Variants in RALGAPB observed in about 807,000 individuals in gnomAD.
RALGAPB encodes ral GTPase-activating protein subunit beta.
RALGAPB carries 25 observed loss-of-function variants against 161.1 expected under a neutral mutation model. The ratio of observed to expected loss-of-function variants is 0.16; its 90% confidence interval spans 0.11 to 0.22. The LOEUF is 0.22. Ranked by LOEUF, RALGAPB falls within the 10% of genes least tolerant of loss-of-function variation. RALGAPB has a pLI of 1.00. For missense variants in RALGAPB, 1,391 were observed against 1,815.2 expected, an observed-to-expected ratio of 0.77 and a Z score of 4.25; for synonymous variants, 629 against 626.1, an observed-to-expected ratio of 1.00 and a Z score of -0.07.
chr20:38,547,478 G>T (rs2087207476), intron 19 of RALGAPB: 1 of 152,138 alleles, frequency 6.6e-6, no homozygotes, highest in African/African-American at 2.4e-5. Flanking sequence ...ACCCTGTATT[G>T]TCCCTTTCTA....
At chr20:38,487,555 A>G (rs769522459) in intron 1 of RALGAPB, among the ~76,000 whole-genome samples, 3 of 152,192 alleles carry the variant, frequency 2.0e-5, no homozygotes, top group Non-Finnish European at 4.4e-5. Context: ...GTTTAGTGCG[A>G]AAAGGATGTA....
chr20:38,525,383 T>C, intron 11 of RALGAPB, 21 bp from the exon 12 acceptor site: 1 of 1,521,140 alleles, frequency 6.6e-7, no homozygotes. Context: ...AAAATACTAA[T>C]AGCTTTTTAT....
intron 7 of RALGAPB, among the ~76,000 whole-genome samples, 180 bp from the exon 8 acceptor site, chr20:38,517,326 C>T (rs2086156772): frequency 6.6e-6 from 1 of 152,108 alleles, no homozygotes; most frequent in African/African-American, 2.4e-5. Flanking sequence ...TAGCCATGTC[C>T]ATCTAAAGTT....
rs965610021 is a variant in RALGAPB at position 38,574,173 on chromosome 20, T to C, written c.4166T>C (p.Val1389Ala). 3.7e-6 allele frequency: 6 copies of C among 1,607,318 alleles called. No individual in the cohort carries two copies. Among genetic ancestry groups the C allele is most frequent in the Non-Finnish European group, 5.1e-6 (6 of 1,178,240 alleles). Residue 1389 changes from valine to alanine, a missense_variant, in exon 29 of 30, where the codon GTT becomes GCT. By Grantham distance (64) the Val-to-Ala change is moderately conservative. Coordinates refer to ENST00000262879, the MANE Select transcript of RALGAPB (RefSeq NM_020336.4). ...SLRSTTLEKE[V>A]PVIFIHPLNT... is the part of the protein sequence containing the mutation. ...AGATCTACAACTCTTGAAAAAGAAG[T>C]TCCTGTCATCTTCATCCACCCTTTA... is the stretch of plus-strand genomic sequence containing the variant.
At chr20:38,571,676 G>A (rs1335137036) in intron 28 of RALGAPB, among the ~76,000 whole-genome samples, 2 of 152,132 alleles carry the variant, frequency 1.3e-5, no homozygotes, top group East Asian at 3.9e-4. Context: ...TGGGAGTGCT[G>A]CTATCTCTTT....
At chr20:38,516,596 A>G (rs1171232148) in intron 7 of RALGAPB, 1 of 459,420 alleles carries the variant, frequency 2.2e-6, no homozygotes, top group South Asian at 4.7e-5. Context: ...TTGCCATTAA[A>G]AGTAATGCGG....
intron 18 of RALGAPB, among the ~76,000 whole-genome samples, chr20:38,546,007 T>C (rs576211004): frequency 6.6e-6 from 1 of 152,292 alleles, no homozygotes; most frequent in East Asian, 1.9e-4. Flanking sequence ...GCAGATTAAA[T>C]GTCTCTGAAA....
rs201071715 is a variant in RALGAPB at position 38,574,894 on chromosome 20, G to A, written c.4412G>A (p.Arg1471Gln). 9.0e-5 allele frequency: 146 copies of A among 1,614,012 alleles called. No individual in the cohort carries two copies. The East Asian group carries it at 9.4e-4, about 10-fold the overall frequency. ...QKITDIVNKY[R>Q]NKQLEPEFYT... ...ATCACCGACATTGTCAACAAGTACC[G>A]GAACAAGCAGCTGGAGCCAGAGTTT... The change falls in exon 30 of 30, where the codon CGG becomes CAG. Residue 1471 changes from arginine to glutamine, a missense_variant. Around this residue, in one of 3 missense-constraint regions of RALGAPB, gnomAD observed 436 missense variants for 527.0 expected, o/e 0.83. Transcript: ENST00000262879.
At chr20:38,549,165 C>T (rs950571863) in intron 20 of RALGAPB, among the ~76,000 whole-genome samples, 2 of 152,012 alleles carry the variant, frequency 1.3e-5, no homozygotes, top group African/African-American at 4.8e-5. Context: ...CGCAACAGGA[C>T]TTAGTTTGAA....
chr20:38,570,962 A>G (rs191449780), intron 28 of RALGAPB, 115 bp downstream of exon 28: 1 of 672,678 alleles, frequency 1.5e-6, no homozygotes, highest in Non-Finnish European at 2.4e-6. Context: ...AAATAAAAAC[A>G]AAAAAGATCA....
intron 10 of RALGAPB, among the ~76,000 whole-genome samples, chr20:38,524,160 T>A (rs1301300505): frequency 1.3e-5 from 2 of 151,820 alleles, no homozygotes; most frequent in African/African-American, 4.8e-5. Flanking sequence ...GGGGGTGGAG[T>A]TAAAAACTAA....
At chr20:38,531,062 A>G in intron 13 of RALGAPB, 105 bp from the exon 14 acceptor site, 1 of 1,026,704 alleles carries the variant, frequency 9.7e-7, no homozygotes, top group Non-Finnish European at 1.5e-6. Context: ...AGGAATGCTC[A>G]ACCAAAATTA....
At chr20:38,552,293 A>G (rs2087404441) in intron 21 of RALGAPB, among the ~76,000 whole-genome samples, 1 of 151,996 alleles carries the variant, frequency 6.6e-6, no homozygotes, top group African/African-American at 2.4e-5. Flanking sequence ...GGCGCATGCC[A>G]CCATGCCTGG....
intron 1 of RALGAPB, among the ~76,000 whole-genome samples, chr20:38,477,655 AC>A (rs1053965018): frequency 2.0e-5 from 3 of 152,090 alleles, no homozygotes; most frequent in Admixed American, 1.3e-4. Context: ...GTGTTTTAGC[AC>A]CCTGTATCCT....
intron 3 of RALGAPB, among the ~76,000 whole-genome samples, chr20:38,497,055 T>C (rs2085447409): frequency 6.6e-6 from 1 of 152,236 alleles, no homozygotes; most frequent in Non-Finnish European, 1.5e-5. Flanking sequence ...TGCTATTATG[T>C]GTTAGGCACA....
At chr20:38,510,799 A>G (rs1038154145) in intron 6 of RALGAPB, among the ~76,000 whole-genome samples, 2 of 140,244 alleles carry the variant, frequency 1.4e-5, no homozygotes, top group Admixed American at 6.7e-5. Flanking sequence ...AGTCCCAGCT[A>G]CTTGGGAGGC....
chr20:38,562,502 A>G, intron 23 of RALGAPB, 30 bp from the exon 24 acceptor site: 1 of 1,535,108 alleles, frequency 6.5e-7, no homozygotes, highest in Non-Finnish European at 8.8e-7. Flanking sequence ...TGTTTCCTTC[A>G]TTATAGCTGA....
chr20:38,528,974 A>G (rs1260089600), intron 13 of RALGAPB, among the ~76,000 whole-genome samples: 1 of 152,098 alleles, frequency 6.6e-6, no homozygotes, highest in East Asian at 1.9e-4. Flanking sequence ...GAACCAATGC[A>G]CCTGGCCAGA....
intron 24 of RALGAPB, 46 bp downstream of exon 24, chr20:38,562,743 G>C (rs2087829590): frequency 6.5e-7 from 1 of 1,530,658 alleles, no homozygotes. Context: ...TTGTTTGTTA[G>C]TCTTGTTTTT....
Sources: allele counts gnomAD v4.1 joint callset (sites outside exome capture counted in the v4.1 genomes callset), GRCh38; gene constraint gnomAD v4.1.1; regional missense constraint gnomAD v4.1.1; transcripts MANE v1.5; gene names NCBI Gene and HGNC (gene_info 2026-07-23, HGNC 2026-07-21).